The following ITPR2 variants were observed in gnomAD, a reference collection of about 807,000 sequenced individuals.
The protein encoded by ITPR2 is inositol 1,4,5-trisphosphate receptor type 2.
In ITPR2, 207 loss-of-function variants were observed where a neutral mutation model predicts 317.1. The observed-to-expected ratio is 0.65, with a 90% confidence interval of 0.58 to 0.73. The LOEUF (loss-of-function observed/expected upper bound fraction) is 0.73. ITPR2 is among the 30% of genes least tolerant of loss of function. The pLI, the probability that ITPR2 is intolerant of heterozygous loss-of-function variation, is 0.00. For missense variants in ITPR2, 2,613 were observed against 3,284.0 expected, an observed-to-expected ratio of 0.80 and a Z score of 4.99; for synonymous variants, 1,156 against 1,149.1, an observed-to-expected ratio of 1.01 and a Z score of -0.12.
intron 55 of ITPR2, among the ~76,000 whole-genome samples, chr12:26,385,058 G>A (rs923086291): frequency 6.6e-6 from 1 of 152,142 alleles, no homozygotes; most frequent in African/African-American, 2.4e-5. Context: ...TCATCTCACT[G>A]AGTGCACAAC....
At chr12:26,779,925 T>C (rs1950047423) in intron 2 of ITPR2, among the ~76,000 whole-genome samples, 1 of 152,222 alleles carries the variant, frequency 6.6e-6, no homozygotes, top group African/African-American at 2.4e-5. Flanking sequence ...CGGGCCTCTC[T>C]GAGTGGTCAA....
intron 1 of ITPR2, among the ~76,000 whole-genome samples, chr12:26,813,254 A>G (rs1592154044): frequency 1.3e-5 from 2 of 152,180 alleles, no homozygotes; most frequent in Admixed American, 1.3e-4. Flanking sequence ...TTACATTTTA[A>G]ATTTTGAAAA....
intron 54 of ITPR2, among the ~76,000 whole-genome samples, chr12:26,395,630 A>G (rs943890845): frequency 1.3e-5 from 2 of 152,216 alleles, no homozygotes; most frequent in African/African-American, 4.8e-5. Context: ...TGCAAAAGAA[A>G]GACCACGAGA....
chr12:26,661,005 A>C (rs886384056), intron 15 of ITPR2, among the ~76,000 whole-genome samples: 2 of 151,752 alleles, frequency 1.3e-5, no homozygotes, highest in Non-Finnish European at 2.9e-5. Flanking sequence ...TGTTCTAAAA[A>C]ATCAGAAAGC....
At chr12:26,389,465 A>G (rs1939767289) in intron 54 of ITPR2, among the ~76,000 whole-genome samples, 2 of 149,516 alleles carry the variant, frequency 1.3e-5, no homozygotes, top group African/African-American at 4.9e-5. Flanking sequence ...GCTACCTCCC[A>G]TGCAACCACA....
At chr12:26,677,505 T>C (rs954498295) in intron 13 of ITPR2, among the ~76,000 whole-genome samples, 23 of 151,870 alleles carry the variant, frequency 1.5e-4, no homozygotes, top group African/African-American at 5.6e-4. Flanking sequence ...GAGTCTGAGG[T>C]GGGAGGATCA....
rs141942507 is a variant in ITPR2, at chr12:26,705,307, C to G, written c.951+5866G>C. 5.2e-3 allele frequency among the ~76,000 whole-genome samples: 785 copies of G among 152,274 alleles called. 6 individuals carry two copies. The highest frequency in any genetic ancestry group is 0.017 in the African/African-American group (714 of 41,558). Reference sequence around the variant, plus strand: ...TAACAAATGATTGCATTCTTGCCAGCTGATGTAAGCAGATTTGTTTCTGGC... The same window carrying G: ...TAACAAATGATTGCATTCTTGCCAGGTGATGTAAGCAGATTTGTTTCTGGC... On this transcript the variant is annotated intron_variant, in intron 9 of 56. Transcript: ENST00000381340.
intron 37 of ITPR2, among the ~76,000 whole-genome samples, chr12:26,526,271 T>C (rs1943806901): frequency 6.6e-6 from 1 of 152,158 alleles, no homozygotes; most frequent in Non-Finnish European, 1.5e-5. Context: ...GATAGAGTTG[T>C]CAAGAAAGGC....
chr12:26,588,019 T>C (rs1945581084), intron 32 of ITPR2, among the ~76,000 whole-genome samples: 1 of 152,178 alleles, frequency 6.6e-6, no homozygotes. Context: ...ACCAAAATGG[T>C]TTGCCTGAAT....
chr12:26,631,818 A>G (rs1946758355), intron 22 of ITPR2, 48 bp downstream of exon 22: 9 of 1,531,698 alleles, frequency 5.9e-6, no homozygotes, highest in Non-Finnish European at 8.1e-6. Flanking sequence ...AGTTAAATCA[A>G]TAAGCAAAAT....
intron 21 of ITPR2, among the ~76,000 whole-genome samples, chr12:26,637,388 G>A (rs1489044110): frequency 6.6e-6 from 1 of 152,032 alleles, no homozygotes; most frequent in African/African-American, 2.4e-5. Context: ...TTTTTTAACT[G>A]GGAAATTATC....
chr12:26,768,613 CTG>C (rs1465876442), intron 2 of ITPR2, among the ~76,000 whole-genome samples: 2 of 134,624 alleles, frequency 1.5e-5, no homozygotes, highest in Admixed American at 1.5e-4. Flanking sequence ...TGTTTCCTGA[CTG>C]TTCCTCTAGC....
chr12:26,814,058 G>A (rs1488797463), intron 1 of ITPR2, among the ~76,000 whole-genome samples: 2 of 152,242 alleles, frequency 1.3e-5, no homozygotes, highest in Non-Finnish European at 1.5e-5. Context: ...GACCATCATC[G>A]AGCCAGCCAT....
chr12:26,585,029 C>A lies in ITPR2; in HGVS notation c.4381-4874G>T, dbSNP rs576344840. 1.5e-4 allele frequency among the ~76,000 whole-genome samples: 23 copies of A among 152,104 alleles called. 1 individual carries two copies. In the South Asian group the frequency reaches 2.1e-3, roughly 14 times the overall value. ...ACACTCAACTGGCTTTCTTAGAATT[C>A]GAAATTCTTTTTTTAAACAGACAAC... On this transcript the variant is annotated intron_variant, in intron 32 of 56. Transcript: ENST00000381340.
intron 1 of ITPR2, among the ~76,000 whole-genome samples, chr12:26,793,281 G>A (rs571886740): frequency 6.6e-5 from 10 of 152,160 alleles, no homozygotes; most frequent in African/African-American, 2.2e-4. Context: ...AACTCATTTA[G>A]ACCATGTCAT....
chr12:26,411,471 A>G, intron 51 of ITPR2, 59 bp from the exon 52 acceptor site: 1 of 1,157,778 alleles, frequency 8.6e-7, no homozygotes, highest in Non-Finnish European at 1.3e-6. Context: ...ATGAAAACTG[A>G]ACCTACAGTT....
intron 55 of ITPR2, among the ~76,000 whole-genome samples, chr12:26,368,806 A>C (rs1939095976): frequency 6.6e-6 from 1 of 152,266 alleles, no homozygotes; most frequent in African/African-American, 2.4e-5. Context: ...CAATGAAAAA[A>C]ACAAAGTTGT....
chr12:26,422,729 T>C (rs562791561), intron 49 of ITPR2, among the ~76,000 whole-genome samples: 1 of 152,324 alleles, frequency 6.6e-6, no homozygotes, highest in South Asian at 2.1e-4. Flanking sequence ...TGATCAAGAA[T>C]TCTATCCCCA....
intron 37 of ITPR2, among the ~76,000 whole-genome samples, chr12:26,518,339 A>G (rs1943580424): frequency 6.6e-6 from 1 of 152,152 alleles, no homozygotes; most frequent in South Asian, 2.1e-4. Flanking sequence ...GAACACAAAG[A>G]AGGGAATAAC....
Sources: allele counts gnomAD v4.1 joint callset (sites outside exome capture counted in the v4.1 genomes callset), GRCh38; gene constraint gnomAD v4.1.1; transcripts MANE v1.5; gene names NCBI Gene and HGNC (gene_info 2026-07-23, HGNC 2026-07-21).